MYH4: variants seen among roughly 807,000 people sequenced by gnomAD.
MYH4 encodes the protein myosin heavy chain 4, also known as myosin-4.
A neutral mutation model predicts 229.9 loss-of-function variants in MYH4; 200 were observed. That is an observed-to-expected ratio of 0.87 (90% confidence interval 0.78 to 0.98). MYH4 has a LOEUF of 0.98. Among genes scored for constraint, MYH4 ranks in the 50% least tolerant of loss-of-function variants. The pLI, the probability that MYH4 is intolerant of heterozygous loss-of-function variation, is 0.00. For synonymous variants in MYH4, 761 were observed against 834.6 expected, an observed-to-expected ratio of 0.91 and a Z score of 1.52; for missense variants, 2,148 against 2,332.6, an observed-to-expected ratio of 0.92 and a Z score of 1.63.
intron 11 of MYH4, among the ~76,000 whole-genome samples, chr17:10,462,423 G>T (rs1399539472): frequency 6.6e-6 from 1 of 152,084 alleles, no homozygotes; most frequent in Non-Finnish European, 1.5e-5. Context: ...TATATCATTG[G>T]CCCACAGAGG....
chr17:10,452,966 C>T, intron 24 of MYH4, 34 bp from the exon 25 acceptor site: 1 of 1,597,562 alleles, frequency 6.3e-7, no homozygotes, highest in Non-Finnish European at 8.5e-7. Flanking sequence ...TATTTCAGCT[C>T]TTAAGCACTG....
rs769042073 is a variant in MYH4 at position 10,453,157 on chromosome 17, C to T, written c.3106G>A (p.Asp1036Asn). 9 of 1,613,976 alleles carry T rather than the reference C, an allele frequency of 5.6e-6. No individual in the cohort carries two copies. In the African/African-American group the frequency reaches 9.3e-5, roughly 17 times the overall value. Residue 1036 changes from aspartate to asparagine, a missense_variant, in exon 24 of 40, where the codon GAC becomes AAC. Physicochemically the swap from Asp to Asn is conservative, Grantham distance 23. Transcript: ENST00000255381. Reference sequence around the variant, plus strand: ...ATTTTCTTTTTCACACTTACATCGTCCACTTGCTGTTCTAGCTTGGTTTTA... The same window carrying T: ...ATTTTCTTTTTCACACTTACATCGTTCACTTGCTGTTCTAGCTTGGTTTTA... ...KAKTKLEQQV[D>N]DLEGSLEQEK...
rs568889684 is a variant in MYH4 at position 10,448,493 on chromosome 17, A to G, written c.4559T>C (p.Ile1520Thr). 8.7e-6 allele frequency: 14 copies of G among 1,613,926 alleles called. No homozygotes were observed. In the African/African-American group the frequency reaches 1.5e-4, roughly 17 times the overall value. ...ATGGATATGCTTTCCACCCTCTGCA[A>G]TTTGCTCTGTCAGGTCAGAAATCTC... ...QQEISDLTEQ[I>T]AEGGKHIHEL... The change falls in exon 33 of 40, where the codon ATT becomes ACT. Residue 1520 changes from isoleucine to threonine, a missense_variant. Transcript: ENST00000255381.
chr17:10,459,875 A>T (rs1272576226), intron 14 of MYH4, 77 bp downstream of exon 14: 3 of 1,608,870 alleles, frequency 1.9e-6, no homozygotes, highest in Non-Finnish European at 2.5e-6. Context: ...TTTGTAAGGT[A>T]CATTTTGTAA....
chr17:10,464,199 T>TA (rs2072734955), intron 7 of MYH4, among the ~76,000 whole-genome samples: 1 of 152,112 alleles, frequency 6.6e-6, no homozygotes, highest in African/African-American at 2.4e-5. Context: ...CTCCAGTGTC[T>TA]ATTCTTCCCA....
intron 35 of MYH4, among the ~76,000 whole-genome samples, 177 bp downstream of exon 35, chr17:10,446,836 C>T (rs1161014515): frequency 6.6e-6 from 1 of 152,186 alleles, no homozygotes; most frequent in Non-Finnish European, 1.5e-5. Flanking sequence ...ATTATGCCAG[C>T]CCATAAATAT....
chr17:10,450,972 A>G, intron 28 of MYH4, 77 bp from the exon 29 acceptor site: 1 of 1,215,072 alleles, frequency 8.2e-7, no homozygotes. Flanking sequence ...ATAACATTGT[A>G]ACCCTCTTAT....
At chr17:10,468,350 C>A (rs1474333150) in intron 2 of MYH4, among the ~76,000 whole-genome samples, 1 of 152,102 alleles carries the variant, frequency 6.6e-6, no homozygotes, top group Non-Finnish European at 1.5e-5. Context: ...GATCAAGCCC[C>A]AATAGAGCCT....
chr17:10,457,350 A>G (rs2072651829), intron 16 of MYH4, 70 bp downstream of exon 16: 2 of 1,496,206 alleles, frequency 1.3e-6, no homozygotes, highest in Non-Finnish European at 1.8e-6. Flanking sequence ...CTGTAACTAC[A>G]TTTGTCTCTG....
rs1414737290 is a variant in MYH4 at position 10,466,276 on chromosome 17, G to C, written c.345C>G (p.Ile115Met). The change falls in exon 4 of 40, where the codon ATC (isoleucine) becomes ATG (methionine). Residue 115 changes from isoleucine (I) to methionine (M), a missense_variant. Physicochemically the swap from Ile to Met is conservative, Grantham distance 10. Coordinates refer to ENST00000255381, the MANE Select transcript of MYH4 (RefSeq NM_017533.2). ...NLKERYAAWMIYTYSGLFCVT... is the reference protein window; with the variant it reads ...NLKERYAAWMMYTYSGLFCVT... Reference sequence around the variant, plus strand: ...ATAGCGTTGAAAGGGTGCTCACGTAGATCATCCAGGCTGCGTAACGCTCTT... The same window carrying C: ...ATAGCGTTGAAAGGGTGCTCACGTACATCATCCAGGCTGCGTAACGCTCTT... 6.2e-7 allele frequency: 1 copy of C among 1,613,790 alleles called. No individual in the cohort carries two copies. Among genetic ancestry groups the C allele is most frequent in the East Asian group, 2.2e-5 (1 of 44,878 alleles).
chr17:10,464,706 G>A lies in MYH4; in HGVS notation c.508C>T (p.Arg170Cys), dbSNP rs201645314. Residue 170 changes from arginine (R) to cysteine (C), a missense_variant and splice_region_variant, in exon 6 of 40, where the codon CGT becomes TGT. Transcript: ENST00000255381. ...DNAYQFMLTD[R>C]ENQSILITGE... ...GTAATCAAGATTGACTGGTTTTCAC[G>A]ATCTGTAAAAGAGAAGCCAAAGATA... 9.3e-6 allele frequency: 15 copies of A among 1,613,058 alleles called. No homozygotes were observed. Among genetic ancestry groups the A allele is most frequent in the African/African-American group, 4.0e-5 (3 of 74,898 alleles).
chr17:10,451,892 T>C, intron 27 of MYH4, 49 bp downstream of exon 27: 1 of 1,547,402 alleles, frequency 6.5e-7, no homozygotes, highest in Non-Finnish European at 8.7e-7. Context: ...AACTTGGTCA[T>C]TTTGAATTGT....
Position 10,454,615 on chromosome 17 carries a change from T to C in MYH4, c.2631A>G (p.Leu877=), listed in dbSNP as rs139307140. The C allele has an allele frequency of 8.1e-4, 1,302 of 1,614,090 alleles. No homozygotes were observed. The highest frequency in any genetic ancestry group is 1.1e-3 in the Non-Finnish European group (1,250 of 1,180,050). ...GCATTAGCGTCACCATCTTTTCTTC[T>C]AGTTCTTTCCTTTTTGCCTCTGTCT... ...LAKTEAKRKE[L]EEKMVTLMQE... Residue 877 remains leucine, a synonymous_variant, in exon 22 of 40, where the codon CTA becomes CTG. Coordinates refer to ENST00000255381, the MANE Select transcript of MYH4 (RefSeq NM_017533.2).
chr17:10,455,520 G>A (rs929724402), intron 19 of MYH4, 94 bp downstream of exon 19: 1 of 1,492,820 alleles, frequency 6.7e-7, no homozygotes, highest in Non-Finnish European at 9.2e-7. Flanking sequence ...ATAATTGCAT[G>A]TCATTTTTCA....
In MYH4 at chr17:10,447,144, G is replaced by T; in HGVS notation, c.5038C>A (p.Arg1680Ser). The T allele has an allele frequency of 6.2e-7, 1 of 1,614,084 alleles. No individual in the cohort carries two copies. The change falls in exon 35 of 40, where the codon CGC becomes AGC. Residue 1680 changes from arginine (R) to serine (S), a missense_variant. Transcript: ENST00000255381. ...TCAGCCTGCATCAGGTTAGCTCTGC[G>T]CTCAACCATTGCCAGTTGTTCCTTA... ...DLKEQLAMVE[R>S]RANLMQAEVE...
chr17:10,469,108 A>C (rs1006128744), intron 2 of MYH4, among the ~76,000 whole-genome samples, 180 bp downstream of exon 2: 6 of 152,122 alleles, frequency 3.9e-5, no homozygotes, highest in Non-Finnish European at 8.8e-5. Context: ...AAGTTTCATT[A>C]AGTTTTGTTT....
At chr17:10,463,458 A>G (rs1178164839) in intron 8 of MYH4, 57 bp from the exon 9 acceptor site, 17 of 1,583,092 alleles carry the variant, frequency 1.1e-5, no homozygotes, top group Non-Finnish European at 1.5e-5. Flanking sequence ...CTATTTCTTT[A>G]GCTGTGGACC....
At chr17:10,460,355 C>A (rs753551631) in intron 12 of MYH4, 34 bp from the exon 13 acceptor site, 3 of 1,442,330 alleles carry the variant, frequency 2.1e-6, no homozygotes, top group Non-Finnish European at 2.9e-6. Flanking sequence ...TGAAACTGAC[C>A]ATGGCTTACA....
rs759569179 is a variant in MYH4 at position 10,460,321 on chromosome 17, A to G, written c.1148T>C (p.Val383Ala). 9.4e-6 allele frequency: 15 copies of G among 1,594,328 alleles called. No homozygotes were observed. The East Asian group carries it at 3.1e-4, about 33-fold the overall frequency. Reference sequence around the variant, plus strand: ...TGTCAGATAAGCAGCTTTGTCAGCAACTGTGTGAACAAGGTGAGAATGGTG... The same window carrying G: ...TGTCAGATAAGCAGCTTTGTCAGCAGCTGTGTGAACAAGGTGAGAATGGTG... ...EEQAEPDGTE[V>A]ADKAAYLTSL... is the part of the protein sequence containing the mutation. The change falls in exon 13 of 40, where the codon GTT (valine) becomes GCT (alanine). Residue 383 changes from valine (V) to alanine (A), a missense_variant and splice_region_variant. Physicochemically the swap from Val to Ala is moderately conservative, Grantham distance 64 (BLOSUM62 0). Transcript: ENST00000255381.
Sources: allele counts gnomAD v4.1 joint callset (sites outside exome capture counted in the v4.1 genomes callset), GRCh38; gene constraint gnomAD v4.1.1; transcripts MANE v1.5; gene names NCBI Gene and HGNC (gene_info 2026-07-23, HGNC 2026-07-21).